Variants in PRDM15 observed in about 807,000 individuals in gnomAD.
The protein encoded by PRDM15 is PR/SET domain 15.
In PRDM15, 64 loss-of-function variants were observed where a neutral mutation model predicts 128.6. The ratio of observed to expected loss-of-function variants is 0.50; its 90% CI spans 0.41 to 0.61. PRDM15 has a LOEUF of 0.61. Ranked by LOEUF, PRDM15 falls within the 20% of genes least tolerant of loss-of-function variation. The pLI is 0.00. For missense variants in PRDM15, 1,242 were observed against 1,569.1 expected (o/e 0.79, Z 3.52); for synonymous variants, 615 against 621.8 (o/e 0.99, Z 0.16).
chr21:41,869,917 T>C (rs2064152782), intron 1 of PRDM15, among the ~76,000 whole-genome samples: 1 of 152,256 alleles, frequency 6.6e-6, no homozygotes, highest in Non-Finnish European at 1.5e-5. Context: ...TGCCCACACT[T>C]ACGTGCATCT....
At chr21:41,819,233 C>T (rs147960410) in intron 18 of PRDM15, among the ~76,000 whole-genome samples, 657 of 152,340 alleles carry the variant, frequency 4.3e-3, no homozygotes, top group African/African-American at 0.015. Context: ...CAATGCCTCT[C>T]GCACTATGGT....
intron 22 of PRDM15, 52 bp from the exon 23 acceptor site, chr21:41,802,973 C>T: frequency 6.7e-7 from 1 of 1,491,656 alleles, no homozygotes; most frequent in Non-Finnish European, 9.3e-7. Flanking sequence ...TCACGTCAGG[C>T]AGCGGCCAGG....
Position 41,879,032 on chromosome 21 carries a change from G to T in PRDM15, c.-10+238C>A. The T allele has an allele frequency of 9.1e-7, 1 of 1,096,058 alleles. No homozygotes were observed. The allele number at this position is 1,096,058 out of a possible 1,614,324, so 67.9% of individuals were successfully genotyped here. Reference sequence around the variant, plus strand: ...GCGGCGCGCAGGGCGATCCCGGAGCGGCTCCGGGAAATCCAGCCGGGTTTT... The same window carrying T: ...GCGGCGCGCAGGGCGATCCCGGAGCTGCTCCGGGAAATCCAGCCGGGTTTT... On this transcript the variant is annotated intron_variant, in intron 1 of 23. Coordinates refer to ENST00000398548, the MANE Select transcript of PRDM15 (RefSeq NM_001040424.3). The surrounding 1 kb of genome is among the most constrained non-coding windows in gnomAD (Gnocchi z 5.1).
At chr21:41,830,320 A>C (rs2062641225) in intron 11 of PRDM15, among the ~76,000 whole-genome samples, 1 of 151,280 alleles carries the variant, frequency 6.6e-6, no homozygotes, top group Non-Finnish European at 1.5e-5. Flanking sequence ...CACATACTCA[A>C]CACATACACC....
chr21:41,830,568 C>A (rs1272908636), intron 11 of PRDM15, among the ~76,000 whole-genome samples: 1 of 151,354 alleles, frequency 6.6e-6, no homozygotes, highest in Admixed American at 6.6e-5. Flanking sequence ...CAAATACACT[C>A]AACACACACA....
chr21:41,804,051 G>A (rs1266614356), intron 22 of PRDM15, among the ~76,000 whole-genome samples: 1 of 144,668 alleles, frequency 6.9e-6, no homozygotes, highest in Admixed American at 7.1e-5. Context: ...TGCAACCTCC[G>A]CCCCTGGGTT....
chr21:41,818,731 C>T (rs1485224547), intron 18 of PRDM15, among the ~76,000 whole-genome samples: 1 of 151,992 alleles, frequency 6.6e-6, no homozygotes. Flanking sequence ...TCGCTTGAAA[C>T]AGCCCAAGAC....
chr21:41,866,693 A>C (rs976675709), intron 1 of PRDM15, among the ~76,000 whole-genome samples: 6 of 152,232 alleles, frequency 3.9e-5, no homozygotes, highest in African/African-American at 1.4e-4. Flanking sequence ...TTTCTTGTCC[A>C]GATATTCGTG....
At chr21:41,853,500 G>T (rs2063489899) in intron 5 of PRDM15, among the ~76,000 whole-genome samples, 1 of 152,176 alleles carries the variant, frequency 6.6e-6, no homozygotes, top group South Asian at 2.1e-4. Flanking sequence ...TCGGCAATAT[G>T]AAATTGCTGT....
chr21:41,849,547 G>A (rs2063365027), intron 5 of PRDM15, among the ~76,000 whole-genome samples: 2 of 150,584 alleles, frequency 1.3e-5, no homozygotes, highest in South Asian at 2.1e-4. Flanking sequence ...CAGCCTGGGC[G>A]ACAGACTGAC....
chr21:41,820,555 CA>C (rs1393673042), intron 16 of PRDM15, among the ~76,000 whole-genome samples: 1 of 152,176 alleles, frequency 6.6e-6, no homozygotes, highest in African/African-American at 2.4e-5. Flanking sequence ...ATTTAAGGGC[CA>C]AGGAGAGAAG....
Position 41,834,561 on chromosome 21 carries a change from A to C in PRDM15, c.1366+876T>G, listed in dbSNP as rs779684725. The C allele has an allele frequency of 1.0e-5, 16 of 1,549,058 alleles. No individual in the cohort carries two copies. In the South Asian group the frequency reaches 1.2e-4, roughly 12 times the overall value. On this transcript the variant is annotated intron_variant, in intron 11 of 23. Transcript: ENST00000398548. The stretch of plus-strand genomic sequence containing the variant: ...CCCCCCCTCTCCAGGGTGTGCTATG[A>C]GTCCTAGAGAGAGGGGGACACAAAG...
chr21:41,820,942 C>T, intron 16 of PRDM15, 125 bp downstream of exon 16: 2 of 1,249,946 alleles, frequency 1.6e-6, no homozygotes, highest in South Asian at 1.3e-5. Flanking sequence ...CCAGCTCTGG[C>T]CCTGAGACCC....
At chr21:41,869,982 G>A (rs572121339) in intron 1 of PRDM15, among the ~76,000 whole-genome samples, 1 of 152,272 alleles carries the variant, frequency 6.6e-6, no homozygotes, top group Non-Finnish European at 1.5e-5. Flanking sequence ...CACGCTCGGC[G>A]GAGCCCAGTC....
At chr21:41,806,346 CCACCAT>C (rs2061620087) in intron 21 of PRDM15, among the ~76,000 whole-genome samples, 3 of 32,032 alleles carry the variant, frequency 9.4e-5, no homozygotes, top group East Asian at 2.8e-3. Context: ...ACCATCACCA[CCACCAT>C]CACCACCACC....
At chr21:41,825,867 C>T (rs28559700) in intron 13 of PRDM15, 93 bp downstream of exon 13, 777,327 of 1,005,402 alleles carry the variant, frequency 0.77, 301,884 homozygotes, top group Admixed American at 0.79. Context: ...CAAATCTTCC[C>T]TGCAATATTC....
At chr21:41,802,995 A>T in intron 22 of PRDM15, 74 bp from the exon 23 acceptor site, 1 of 1,112,470 alleles carries the variant, frequency 9.0e-7, no homozygotes, top group Non-Finnish European at 1.4e-6. Context: ...CAGCCCCAGC[A>T]CTGCCCTGGA....
In PRDM15 at chr21:41,810,305, A is replaced by G. The variant is rs750195269; in HGVS notation, c.2501T>C (p.Val834Ala). The change falls in exon 21 of 24, where the codon GTG (valine) becomes GCG (alanine). Residue 834 changes from valine to alanine, a missense_variant. Around this residue, in one of 3 missense-constraint regions of PRDM15, gnomAD observed 602 missense variants for 788.3 expected, o/e 0.76. Transcript: ENST00000398548. The surrounding 1 kb of genome is among the most constrained non-coding windows in gnomAD (Gnocchi z 6.4). Reference sequence around the variant, plus strand: ...CTCGGTCACGTACTTCTTGTCGCACACGGAGCACGTCCACTGCTTGCCCAC... The same window carrying G: ...CTCGGTCACGTACTTCTTGTCGCACGCGGAGCACGTCCACTGCTTGCCCAC... ...HTVGKQWTCS[V>A]CDKKYVTEYM... 6.2e-7 allele frequency: 1 copy of G among 1,613,500 alleles called. No homozygotes were observed. The highest frequency in any genetic ancestry group is 8.5e-7 in the Non-Finnish European group (1 of 1,179,926).
Position 41,810,477 on chromosome 21 carries a change from C to T in PRDM15, c.2477-148G>A, listed in dbSNP as rs745469121. The T allele has an allele frequency of 1.2e-5, 10 of 859,362 alleles. No individual in the cohort carries two copies. The highest frequency in any genetic ancestry group is 3.3e-5 in the South Asian group (2 of 60,772). The allele number at this position is 859,362 out of a possible 1,614,324, so 53.2% of individuals were successfully genotyped here. A position where few individuals can be genotyped will look rare whatever the true frequency, so the allele number is the denominator to read the frequency against. On this transcript the variant is annotated intron_variant, in intron 20 of 23. Transcript: ENST00000398548. This position sits in a 1 kb window ranked among gnomAD's most constrained non-coding sequence, Gnocchi z 6.4. ...TCCTGAGAGGGCCGGTGCTGGTCCCCGAGCACACATGAGCACAGAGCCTCT... is the reference window on the plus strand; with the variant it reads ...TCCTGAGAGGGCCGGTGCTGGTCCCTGAGCACACATGAGCACAGAGCCTCT...
Sources: gnomAD v4.1 joint callset for allele counts (sites outside exome capture counted in the v4.1 genomes callset) on GRCh38, gnomAD v4.1.1 for gene constraint, gnomAD v4.1.1 regional missense constraint, Gnocchi (gnomAD v3.1) non-coding constraint, MANE v1.5 for transcripts, NCBI Gene and HGNC (gene_info 2026-07-23, HGNC 2026-07-21) for gene names.